Variants in CC2D2A observed in about 807,000 individuals in gnomAD.
CC2D2A encodes the protein coiled-coil and C2 domain containing 2A.
Under a neutral mutation model 212.9 loss-of-function variants are expected in CC2D2A, and 155 were observed. The observed-to-expected ratio is 0.73, with a 90% CI of 0.64 to 0.83. The LOEUF (loss-of-function observed/expected upper bound fraction) is 0.83, where lower values mean the gene tolerates loss of function less well. Ranked by LOEUF, CC2D2A falls within the 40% of genes least tolerant of loss-of-function variation. The pLI is 0.00. For missense variants in CC2D2A, 1,856 were observed against 1,956.2 expected (o/e 0.95, Z 0.97); for synonymous variants, 667 against 686.5 (o/e 0.97, Z 0.44).
At chr4:15,478,868 C>A (rs1253757827) in intron 3 of CC2D2A, 62 bp downstream of exon 3, 19 of 1,325,444 alleles carry the variant, frequency 1.4e-5, no homozygotes, top group Admixed American at 2.0e-5. Context: ...GCCTGCATCC[C>A]CAGGGCCATA....
Position 15,574,211 on chromosome 4 carries a change from A to G in CC2D2A, c.3656A>G (p.Asn1219Ser). ...PVLLGYSKER[N>S]MILERGFDSV... ...CTTCTGGGCTACAGTAAGGAGCGAA[A>G]TATGATTCTTGAGCGGGGTTTTGAT... The change falls in exon 29 of 37, where the codon AAT (asparagine) becomes AGT (serine). Residue 1219 changes from asparagine to serine, a missense_variant. Physicochemically the swap from Asn to Ser is conservative, Grantham distance 46. Transcript: ENST00000424120. 1.3e-6 allele frequency: 2 copies of G among 1,551,560 alleles called. No homozygotes were observed. Among genetic ancestry groups the G allele is most frequent in the Non-Finnish European group, 1.7e-6 (2 of 1,146,872 alleles).
At chr4:15,487,224 A>G (rs1040345771) in intron 4 of CC2D2A, among the ~76,000 whole-genome samples, 9 of 152,110 alleles carry the variant, frequency 5.9e-5, no homozygotes, top group Admixed American at 1.3e-4. Context: ...GATCTATCCA[A>G]TGCTGAACGG....
At chr4:15,597,348 G>A (rs536597621) in intron 34 of CC2D2A, 59 bp from the exon 35 acceptor site, 1 of 1,177,920 alleles carries the variant, frequency 8.5e-7, no homozygotes, top group Non-Finnish European at 1.2e-6. Context: ...TTTTTAAAAG[G>A]ATGTTCAAAT....
intron 10 of CC2D2A, 100 bp from the exon 11 acceptor site, chr4:15,516,525 A>G: frequency 8.5e-7 from 1 of 1,179,616 alleles, no homozygotes; most frequent in Non-Finnish European, 1.2e-6. Context: ...CATGAAATAT[A>G]TATGTTGACA....
Position 15,515,726 on chromosome 4 carries a change from G to T in CC2D2A, c.881-142G>T, listed in dbSNP as rs190957804. ...AGTGAGCACATTCATCTTTTCCTTG[G>T]TTCTGCTTTTAAAAATTAATTTGGA... On this transcript the variant is annotated intron_variant, in intron 9 of 36. Coordinates refer to ENST00000424120, the MANE Select transcript of CC2D2A (RefSeq NM_001378615.1). 5.6e-5 allele frequency: 44 copies of T among 789,456 alleles called. No individual in the cohort carries two copies. The East Asian group carries it at 1.1e-3, about 20-fold the overall frequency. The allele number at this position is 789,456 out of a possible 1,614,324, so 48.9% of individuals were successfully genotyped here.
At chr4:15,576,826 G>A (rs979967909) in intron 29 of CC2D2A, among the ~76,000 whole-genome samples, 1 of 152,122 alleles carries the variant, frequency 6.6e-6, no homozygotes, top group Admixed American at 6.5e-5. Context: ...CAGAAAGACT[G>A]TTAGTTAGCT....
intron 32 of CC2D2A, among the ~76,000 whole-genome samples, chr4:15,589,031 C>G (rs1258579085): frequency 2.0e-5 from 3 of 151,738 alleles, no homozygotes; most frequent in East Asian, 3.9e-4. Context: ...TTCTACTTCC[C>G]CAACCCCCAA....
At chr4:15,484,023 C>A (rs141168512) in intron 4 of CC2D2A, among the ~76,000 whole-genome samples, 1 of 151,996 alleles carries the variant, frequency 6.6e-6, no homozygotes, top group Admixed American at 6.6e-5. Context: ...TAATAGATTG[C>A]GTGAACACTG....
chr4:15,479,647 T>G (rs1245899310), intron 3 of CC2D2A, among the ~76,000 whole-genome samples: 2 of 152,122 alleles, frequency 1.3e-5, no homozygotes, highest in African/African-American at 2.4e-5. Context: ...CCTGGCCACG[T>G]GGGCTAGCTC....
At chr4:15,507,930 C>G (rs1716353993) in intron 6 of CC2D2A, among the ~76,000 whole-genome samples, 1 of 152,160 alleles carries the variant, frequency 6.6e-6, no homozygotes, top group Non-Finnish European at 1.5e-5. Flanking sequence ...TCTTCTTTGG[C>G]AGGTTTGGAC....
chr4:15,482,096 AATT>A, intron 4 of CC2D2A: 1 of 985,442 alleles, frequency 1.0e-6, no homozygotes, highest in Non-Finnish European at 1.2e-6. Flanking sequence ...ATTGTTACAT[AATT>A]GTTAGACTGT....
intron 11 of CC2D2A, 123 bp downstream of exon 11, chr4:15,516,879 A>C: frequency 1.1e-6 from 1 of 911,544 alleles, no homozygotes; most frequent in Non-Finnish European, 1.5e-6. Context: ...ACTATCTTAC[A>C]CATAAAGAAC....
At chr4:15,565,205 G>A (rs1719825660) in intron 24 of CC2D2A, among the ~76,000 whole-genome samples, 1 of 152,048 alleles carries the variant, frequency 6.6e-6, no homozygotes, top group Admixed American at 6.6e-5. Context: ...AGAACATATA[G>A]GTGCTTCTTG....
chr4:15,495,703 T>C (rs143910766), intron 4 of CC2D2A, among the ~76,000 whole-genome samples: 2 of 152,298 alleles, frequency 1.3e-5, no homozygotes, highest in African/African-American at 4.8e-5. Flanking sequence ...TGTGAGTACA[T>C]GTGTCTTTAT....
intron 4 of CC2D2A, among the ~76,000 whole-genome samples, chr4:15,494,469 G>C (rs1255548303): frequency 6.6e-6 from 1 of 152,234 alleles, no homozygotes; most frequent in Non-Finnish European, 1.5e-5. Context: ...TATCAGCAGT[G>C]CTGGGGCTCA....
chr4:15,502,387 CTTTT>C, intron 4 of CC2D2A, 38 bp from the exon 5 acceptor site: 2 of 1,259,652 alleles, frequency 1.6e-6, no homozygotes, highest in South Asian at 1.6e-5. Context: ...TTTTCTTTTT[CTTTT>C]TTTTTTATTT....
At chr4:15,498,651 A>C (rs773411415) in intron 4 of CC2D2A, among the ~76,000 whole-genome samples, 8 of 151,816 alleles carry the variant, frequency 5.3e-5, no homozygotes, top group Non-Finnish European at 1.0e-4. Flanking sequence ...TGTTTAAAGA[A>C]ACACTGTTTG....
intron 28 of CC2D2A, among the ~76,000 whole-genome samples, chr4:15,571,328 A>C (rs1351144238): frequency 6.6e-6 from 1 of 152,238 alleles, no homozygotes; most frequent in Non-Finnish European, 1.5e-5. Context: ...TGGTTTGATT[A>C]AGGGGATCCA....
chr4:15,587,378 A>G (rs1204609076), intron 31 of CC2D2A, among the ~76,000 whole-genome samples: 1 of 152,204 alleles, frequency 6.6e-6, no homozygotes, highest in Non-Finnish European at 1.5e-5. Context: ...CTTGCTCTAG[A>G]GCTAGACTGG....
Sources: gnomAD v4.1 joint callset for allele counts (sites outside exome capture counted in the v4.1 genomes callset) on GRCh38, gnomAD v4.1.1 for gene constraint, MANE v1.5 for transcripts, NCBI Gene and HGNC (gene_info 2026-07-23, HGNC 2026-07-21) for gene names.